The following NFYC variants were observed in gnomAD, a reference collection of about 807,000 sequenced individuals.
NFYC encodes CAAT box DNA-binding protein subunit C.
A neutral mutation model predicts 53.1 loss-of-function variants in NFYC; 25 were observed. The ratio of observed to expected loss-of-function variants is 0.47; its 90% CI spans 0.34 to 0.66. NFYC has a LOEUF of 0.66. NFYC is among the 30% of genes least tolerant of loss of function. The probability of loss-of-function intolerance (pLI) is 0.01; values close to 1 mark genes in which losing one functional copy is unlikely to be tolerated. For synonymous variants in NFYC, 145 were observed against 152.6 expected, an observed-to-expected ratio of 0.95 and a Z score of 0.37; for missense variants, 260 against 422.7, an observed-to-expected ratio of 0.62 and a Z score of 3.38.
intron 1 of NFYC, among the ~76,000 whole-genome samples, chr1:40,713,877 A>G (rs1644026901): frequency 6.6e-6 from 1 of 152,224 alleles, no homozygotes; most frequent in South Asian, 2.1e-4. Flanking sequence ...AAAATGTGCC[A>G]TGGAAGAGGT....
At chr1:40,739,067 T>G in intron 2 of NFYC, 119 bp downstream of exon 2, 2 of 727,976 alleles carry the variant, frequency 2.7e-6, no homozygotes, top group East Asian at 2.7e-5. Flanking sequence ...AGAGGCATGG[T>G]TCACCCCTGA....
intron 1 of NFYC, among the ~76,000 whole-genome samples, chr1:40,711,003 A>G (rs1215844985): frequency 6.6e-6 from 1 of 152,208 alleles, no homozygotes; most frequent in Non-Finnish European, 1.5e-5. Context: ...AGGAATTTTC[A>G]GGGAATAAGA....
chr1:40,700,563 C>G (rs2148415913), intron 1 of NFYC, among the ~76,000 whole-genome samples: 1 of 152,124 alleles, frequency 6.6e-6, no homozygotes, highest in Middle Eastern at 3.4e-3. Context: ...CCAGGCTAGT[C>G]CCAAATTCTT....
intron 1 of NFYC, among the ~76,000 whole-genome samples, chr1:40,694,631 A>G (rs143763689): frequency 2.0e-5 from 3 of 152,318 alleles, no homozygotes; most frequent in Non-Finnish European, 4.4e-5. Flanking sequence ...GGTGATAAAA[A>G]TGAGTGTATA....
intron 7 of NFYC, among the ~76,000 whole-genome samples, chr1:40,765,763 C>T (rs1424615946): frequency 6.6e-6 from 1 of 152,200 alleles, no homozygotes; most frequent in African/African-American, 2.4e-5. Context: ...GTGGTAACCG[C>T]CTTGGTCCTC....
At chr1:40,711,898 C>T (rs1643940378) in intron 1 of NFYC, among the ~76,000 whole-genome samples, 1 of 152,158 alleles carries the variant, frequency 6.6e-6, no homozygotes, top group Non-Finnish European at 1.5e-5. Context: ...GTCAAGAGAT[C>T]TGTGTTCAAG....
At chr1:40,761,014 C>G (rs937533380) in intron 6 of NFYC, among the ~76,000 whole-genome samples, 3 of 152,182 alleles carry the variant, frequency 2.0e-5, no homozygotes, top group African/African-American at 7.2e-5. Flanking sequence ...CTCTGATTGG[C>G]TGATCATCCT....
chr1:40,701,911 A>G (rs899248642), intron 1 of NFYC, among the ~76,000 whole-genome samples: 6 of 152,198 alleles, frequency 3.9e-5, no homozygotes, highest in Non-Finnish European at 7.3e-5. Context: ...AGTGGTGAGG[A>G]GGGATTAAAA....
At chr1:40,724,577 G>A (rs1339969445) in intron 1 of NFYC, among the ~76,000 whole-genome samples, 1 of 152,178 alleles carries the variant, frequency 6.6e-6, no homozygotes, top group Non-Finnish European at 1.5e-5. Flanking sequence ...GATGGTTTAA[G>A]TTTGAGCATT....
chr1:40,758,406 T>C, intron 6 of NFYC, 112 bp downstream of exon 6: 1 of 1,225,694 alleles, frequency 8.2e-7, no homozygotes, highest in Non-Finnish European at 1.1e-6. Flanking sequence ...GAGCACTGGA[T>C]TTAAAGTCTG....
At chr1:40,718,656 A>T (rs762408698) in intron 1 of NFYC, among the ~76,000 whole-genome samples, 1 of 152,236 alleles carries the variant, frequency 6.6e-6, no homozygotes, top group Non-Finnish European at 1.5e-5. Context: ...ATTGTCTTTA[A>T]TGAATCCTAA....
At chr1:40,760,302 C>A (rs780371626) in intron 6 of NFYC, among the ~76,000 whole-genome samples, 6 of 152,142 alleles carry the variant, frequency 3.9e-5, no homozygotes, top group Non-Finnish European at 7.3e-5. Context: ...TGCGGTGGCT[C>A]ACACCTATAA....
chr1:40,728,489 C>T (rs960282650), intron 1 of NFYC, among the ~76,000 whole-genome samples: 16 of 151,742 alleles, frequency 1.1e-4, no homozygotes, highest in Non-Finnish European at 1.8e-4. Context: ...CCCAGCTACT[C>T]GGGAGGCTGG....
chr1:40,700,116 G>A (rs190443432), intron 1 of NFYC, among the ~76,000 whole-genome samples: 141 of 152,232 alleles, frequency 9.3e-4, no homozygotes, highest in African/African-American at 2.9e-3. Flanking sequence ...TGGTAATCGT[G>A]GGAAAGGACT....
At chr1:40,724,632 G>A (rs1644446219) in intron 1 of NFYC, among the ~76,000 whole-genome samples, 1 of 152,142 alleles carries the variant, frequency 6.6e-6, no homozygotes. Flanking sequence ...GTTACATATC[G>A]TTTTCTATTC....
In NFYC at chr1:40,770,565, A is replaced by AGC; in HGVS notation, c.889-143_889-142dup. 6.3e-7 allele frequency: 1 copy of AGC among 1,598,830 alleles called. No homozygotes were observed. The highest frequency in any genetic ancestry group is 8.5e-7 in the Non-Finnish European group (1 of 1,172,794). The stretch of plus-strand genomic sequence containing the variant: ...TGTCTGCTGCTCCCAACCCCAGCAG[A>AGC]GCTCCACTTCCCCTCCTCCTTCTGA... On this transcript the variant is annotated intron_variant, in intron 9 of 9. Coordinates refer to ENST00000447388, the MANE Select transcript of NFYC (RefSeq NM_014223.5). This position sits in a 1 kb window ranked among gnomAD's most constrained non-coding sequence, Gnocchi z 5.3.
chr1:40,755,412 A>C (rs1427222563), intron 5 of NFYC, among the ~76,000 whole-genome samples: 1 of 152,202 alleles, frequency 6.6e-6, no homozygotes, highest in African/African-American at 2.4e-5. Context: ...AGTCAGAAAT[A>C]CTGAATTGTG....
At chr1:40,726,884 A>C (rs1644542468) in intron 1 of NFYC, among the ~76,000 whole-genome samples, 2 of 152,338 alleles carry the variant, frequency 1.3e-5, no homozygotes, top group Admixed American at 1.3e-4. Context: ...TATTTTATGA[A>C]CTAAGTTTAT....
chr1:40,747,938 C>G (rs1645701836), intron 3 of NFYC, among the ~76,000 whole-genome samples: 1 of 151,346 alleles, frequency 6.6e-6, no homozygotes, highest in Non-Finnish European at 1.5e-5. Context: ...CAGGTTCAGG[C>G]AATTCCCATG....
Sources: allele counts gnomAD v4.1 joint callset (sites outside exome capture counted in the v4.1 genomes callset), GRCh38; gene constraint gnomAD v4.1.1; non-coding constraint Gnocchi (gnomAD v3.1); transcripts MANE v1.5; gene names NCBI Gene and HGNC (gene_info 2026-07-23, HGNC 2026-07-21).